MRPS28: variants seen among roughly 807,000 people sequenced by gnomAD.
MRPS28 encodes the protein mitochondrial ribosomal protein S28.
Under a neutral mutation model 10.8 loss-of-function variants are expected in MRPS28, and 7 were observed. That is an observed-to-expected ratio of 0.65 (90% CI 0.37 to 1.22). The LOEUF is 1.22. MRPS28 is among the 50% of genes most tolerant of loss of function. The probability of loss-of-function intolerance (pLI) is 0.02; values close to 1 mark genes in which losing one functional copy is unlikely to be tolerated. For missense variants in MRPS28, 265 were observed against 232.9 expected (o/e 1.14, Z -0.90); for synonymous variants, 121 against 93.3 (o/e 1.30, Z -1.71).
At chr8:79,924,470 T>C (rs555684806) in intron 2 of MRPS28, among the ~76,000 whole-genome samples, 1 of 152,306 alleles carries the variant, frequency 6.6e-6, no homozygotes, top group South Asian at 2.1e-4. Flanking sequence ...GTGTGTGTAT[T>C]TTCTTCTTTA....
rs1413225923 is a variant in MRPS28 at position 79,976,550 on chromosome 8, C to G, written c.395+26449G>C. Reference sequence around the variant, plus strand: ...CGAAACCCTAGCTCTACTAAAAATACAAAAAATTAGCTGGGCATGGTGTCA... The same window carrying G: ...CGAAACCCTAGCTCTACTAAAAATAGAAAAAATTAGCTGGGCATGGTGTCA... On this transcript the variant is annotated intron_variant, in intron 2 of 2. Coordinates refer to ENST00000276585, the MANE Select transcript of MRPS28 (RefSeq NM_014018.3). Among the ~76,000 whole-genome samples, 3 of 151,944 alleles carry G rather than the reference C, an allele frequency of 2.0e-5. No homozygotes were observed. The East Asian group carries it at 5.9e-4, about 30-fold the overall frequency.
chr8:79,971,573 C>A (rs1038681434), intron 2 of MRPS28, among the ~76,000 whole-genome samples: 7 of 152,186 alleles, frequency 4.6e-5, no homozygotes, highest in African/African-American at 1.7e-4. Context: ...TCTCTACATA[C>A]TTGACTATTC....
intron 2 of MRPS28, among the ~76,000 whole-genome samples, chr8:79,961,174 T>C (rs1807363410): frequency 6.6e-6 from 1 of 152,104 alleles, no homozygotes; most frequent in Non-Finnish European, 1.5e-5. Flanking sequence ...ATTGAGCCCA[T>C]ATAATCTGAT....
chr8:79,943,562 TATA>T (rs1806824724), intron 2 of MRPS28, among the ~76,000 whole-genome samples: 1 of 152,220 alleles, frequency 6.6e-6, no homozygotes, highest in Non-Finnish European at 1.5e-5. Context: ...TGAGCACTGT[TATA>T]ATGTTTTCAT....
chr8:79,988,735 T>C (rs1023840691), intron 2 of MRPS28, among the ~76,000 whole-genome samples: 5 of 152,222 alleles, frequency 3.3e-5, no homozygotes, highest in African/African-American at 1.2e-4. Context: ...AACAATTCTG[T>C]TCATCAGACT....
chr8:79,948,774 T>C (rs1806999639), intron 2 of MRPS28, among the ~76,000 whole-genome samples: 2 of 152,216 alleles, frequency 1.3e-5, no homozygotes, highest in Admixed American at 1.3e-4. Context: ...TGATTTTTTT[T>C]CACAAGTTAA....
chr8:79,977,869 C>A (rs1807846024), intron 2 of MRPS28, among the ~76,000 whole-genome samples: 1 of 151,698 alleles, frequency 6.6e-6, no homozygotes, highest in African/African-American at 2.4e-5. Flanking sequence ...GGAAGAAACA[C>A]TTGCATAAAT....
At chr8:79,934,108 T>C (rs552717941) in intron 2 of MRPS28, among the ~76,000 whole-genome samples, 3 of 152,228 alleles carry the variant, frequency 2.0e-5, no homozygotes, top group Non-Finnish European at 4.4e-5. Flanking sequence ...AATGTTGGTT[T>C]AATTTGACAA....
intron 1 of MRPS28, among the ~76,000 whole-genome samples, chr8:80,009,937 CT>C (rs1222917968): frequency 6.6e-6 from 1 of 152,112 alleles, no homozygotes; most frequent in African/African-American, 2.4e-5. Flanking sequence ...AATTAAGAGC[CT>C]TTCATCACAA....
chr8:79,919,892 C>T (rs908555358), intron 2 of MRPS28, among the ~76,000 whole-genome samples: 11 of 151,644 alleles, frequency 7.3e-5, no homozygotes, highest in Non-Finnish European at 1.3e-4. Flanking sequence ...TGGTGTGCTG[C>T]ACCCATTAAC....
intron 2 of MRPS28, among the ~76,000 whole-genome samples, chr8:79,976,299 T>A (rs1437678038): frequency 6.6e-6 from 1 of 152,072 alleles, no homozygotes; most frequent in East Asian, 1.9e-4. Flanking sequence ...ATCAGGCTGG[T>A]CTCAAACTCC....
In MRPS28 at chr8:80,011,524, T is replaced by C. The variant is rs148119786; in HGVS notation, c.214-8344A>G. ...ATCCCAGCACTATGGGAGGCCAAGG[T>C]GGGTGGATCACTTGAAGTCAGCAGT... is the stretch of plus-strand genomic sequence containing the variant. On this transcript the variant is annotated intron_variant, in intron 1 of 2. Transcript: ENST00000276585. Among the ~76,000 whole-genome samples, 1,236 of 150,674 alleles carry C rather than the reference T, an allele frequency of 8.2e-3. 12 individuals carry two copies. Among genetic ancestry groups the C allele is most frequent in the African/African-American group, 0.028 (1,168 of 41,038 alleles).
Position 80,030,217 on chromosome 8 carries a change from G to GC in MRPS28, c.31dup (p.Ala11GlyfsTer22), listed in dbSNP as rs1188542944. The GC allele has an allele frequency of 6.2e-7, 1 of 1,614,032 alleles. No homozygotes were observed. The highest frequency in any genetic ancestry group is 1.3e-5 in the African/African-American group (1 of 74,942). ...CACTCGCAGAAAATGGCTCTCGGCA[G>GC]CCACAGCACGGGTCCGACACAGCGC... On this transcript the variant is annotated frameshift_variant, in exon 1 of 3. Coordinates refer to ENST00000276585, the MANE Select transcript of MRPS28 (RefSeq NM_014018.3). LOFTEE classifies it high-confidence loss of function.
intron 2 of MRPS28, among the ~76,000 whole-genome samples, chr8:79,996,579 T>C (rs1808506611): frequency 6.6e-6 from 1 of 152,224 alleles, no homozygotes; most frequent in African/African-American, 2.4e-5. Flanking sequence ...AGAATCCTCA[T>C]GACCTAAGTA....
chr8:80,008,793 G>A (rs1459056704), intron 1 of MRPS28, among the ~76,000 whole-genome samples: 3 of 152,238 alleles, frequency 2.0e-5, no homozygotes, highest in Non-Finnish European at 4.4e-5. Flanking sequence ...TGGAGAGGAT[G>A]TGGAGAAATA....
chr8:80,010,209 A>C (rs1643317872), intron 1 of MRPS28, among the ~76,000 whole-genome samples: 1 of 152,014 alleles, frequency 6.6e-6, no homozygotes, highest in Non-Finnish European at 1.5e-5. Flanking sequence ...TTGTGTATGG[A>C]GTGGTGTGTG....
intron 2 of MRPS28, among the ~76,000 whole-genome samples, chr8:79,991,539 T>TAC (rs2130122337): frequency 6.6e-6 from 1 of 152,320 alleles, no homozygotes; most frequent in East Asian, 1.9e-4. Context: ...AAATAAAGGT[T>TAC]ACCTTGGAAG....
At chr8:79,927,461 T>C (rs1810258941) in intron 2 of MRPS28, among the ~76,000 whole-genome samples, 1 of 117,748 alleles carries the variant, frequency 8.5e-6, no homozygotes, top group Non-Finnish European at 1.7e-5. Flanking sequence ...TTCGACTACA[T>C]TAAGAGAACA....
At chr8:80,016,121 A>C (rs1462724444) in intron 1 of MRPS28, among the ~76,000 whole-genome samples, 1 of 152,202 alleles carries the variant, frequency 6.6e-6, no homozygotes, top group East Asian at 1.9e-4. Context: ...GAAATATTTG[A>C]AACAATAATG....
Sources: allele counts gnomAD v4.1 joint callset (sites outside exome capture counted in the v4.1 genomes callset), GRCh38; gene constraint gnomAD v4.1.1; transcripts MANE v1.5; gene names NCBI Gene and HGNC (gene_info 2026-07-23, HGNC 2026-07-21).